The following WWOX variants were observed in gnomAD, a reference collection of about 807,000 sequenced individuals.
WWOX encodes WW domain-containing oxidoreductase.
In WWOX, 69 loss-of-function variants were observed where a neutral mutation model predicts 46.2. That is an observed-to-expected ratio of 1.49 (90% CI 1.23 to 1.82). WWOX has a LOEUF of 1.82. Among genes scored for constraint, WWOX ranks in the 40% most tolerant of loss-of-function variants. The pLI, the probability that WWOX is intolerant of heterozygous loss-of-function variation, is 0.00. For synonymous variants in WWOX, 359 were observed against 202.6 expected (o/e 1.77, Z -6.56); for missense variants, 919 against 542.6 (o/e 1.69, Z -6.89).
chr16:78,487,240 C>G (rs1312174195), intron 8 of WWOX, among the ~76,000 whole-genome samples: 3 of 150,782 alleles, frequency 2.0e-5, no homozygotes, highest in African/African-American at 7.3e-5. Context: ...TTCTCCCCAT[C>G]TTGAACATGT....
chr16:78,667,150 C>G (rs1003928695), intron 8 of WWOX, among the ~76,000 whole-genome samples: 1 of 152,184 alleles, frequency 6.6e-6, no homozygotes, highest in Admixed American at 6.5e-5. Flanking sequence ...CTCCACACCA[C>G]TTTATGTGTT....
chr16:78,240,767 G>A (rs920341912), intron 5 of WWOX, among the ~76,000 whole-genome samples: 15 of 152,146 alleles, frequency 9.9e-5, no homozygotes, highest in African/African-American at 3.4e-4. Context: ...GGGCCAGGCT[G>A]GGCCAGGCAG....
chr16:78,888,455 C>G (rs1271609288), intron 8 of WWOX, among the ~76,000 whole-genome samples: 1 of 152,182 alleles, frequency 6.6e-6, no homozygotes, highest in East Asian at 1.9e-4. Flanking sequence ...TTCTCACATC[C>G]TGAGGTCCAC....
intron 8 of WWOX, among the ~76,000 whole-genome samples, chr16:78,546,604 G>A (rs141048593): frequency 6.6e-6 from 1 of 152,124 alleles, no homozygotes; most frequent in Non-Finnish European, 1.5e-5. Context: ...ACTCAGCTAG[G>A]AACTTATTTT....
chr16:78,556,467 C>T (rs927978762), intron 8 of WWOX, among the ~76,000 whole-genome samples: 1 of 152,090 alleles, frequency 6.6e-6, no homozygotes, highest in Non-Finnish European at 1.5e-5. Flanking sequence ...ACCCTGTTCC[C>T]ATATCTGAGA....
chr16:78,766,587 C>G (rs1484814429), intron 8 of WWOX, among the ~76,000 whole-genome samples: 2 of 152,166 alleles, frequency 1.3e-5, no homozygotes, highest in African/African-American at 2.4e-5. Context: ...GAGCTTGTCT[C>G]CTTGTCTCTA....
chr16:78,385,926 G>C (rs941140329), intron 5 of WWOX, among the ~76,000 whole-genome samples: 1 of 152,172 alleles, frequency 6.6e-6, no homozygotes, highest in African/African-American at 2.4e-5. Context: ...TAAAAGTTGG[G>C]AGTGGCCCAT....
At chr16:78,981,838 A>G (rs2046688795) in intron 8 of WWOX, 1 of 152,178 alleles carries the variant, frequency 6.6e-6, no homozygotes, top group African/African-American at 2.4e-5. Context: ...TACACTGAAG[A>G]TGGTCTAATT....
intron 6 of WWOX, among the ~76,000 whole-genome samples, chr16:78,413,886 C>G (rs2082737084): frequency 6.6e-6 from 1 of 151,604 alleles, no homozygotes; most frequent in Non-Finnish European, 1.5e-5. Flanking sequence ...CTTTGGGAGG[C>G]TGAGGTTGTC....
chr16:78,549,096 G>T (rs1328336360), intron 8 of WWOX, among the ~76,000 whole-genome samples: 1 of 152,124 alleles, frequency 6.6e-6, no homozygotes, highest in African/African-American at 2.4e-5. Context: ...ATAAATCTCA[G>T]CTCTCTAGAG....
intron 8 of WWOX, among the ~76,000 whole-genome samples, chr16:78,825,042 C>G (rs941369932): frequency 2.0e-5 from 3 of 152,124 alleles, no homozygotes; most frequent in Non-Finnish European, 4.4e-5. Context: ...CCCCTAAACC[C>G]TACAAGGCTA....
intron 5 of WWOX, among the ~76,000 whole-genome samples, chr16:78,184,337 G>A (rs1370677892): frequency 1.4e-4 from 21 of 152,008 alleles, no homozygotes; most frequent in Admixed American, 1.3e-3. Flanking sequence ...GTAGCGATTC[G>A]CTTGGTGTTT....
chr16:78,564,147 C>T (rs766606198), intron 8 of WWOX, among the ~76,000 whole-genome samples: 2 of 152,320 alleles, frequency 1.3e-5, no homozygotes, highest in East Asian at 1.9e-4. Context: ...CTGAGCCCAG[C>T]CCAAATTGCT....
intron 5 of WWOX, among the ~76,000 whole-genome samples, chr16:78,210,562 TA>T (rs2036529804): frequency 6.6e-6 from 1 of 152,124 alleles, no homozygotes; most frequent in African/African-American, 2.4e-5. Context: ...CATAAGGAAC[TA>T]AATCCTGCGT....
chr16:78,661,630 G>C (rs1044698778), intron 8 of WWOX, among the ~76,000 whole-genome samples: 5 of 148,234 alleles, frequency 3.4e-5, no homozygotes, highest in African/African-American at 1.2e-4. Context: ...TCTTGGAAGA[G>C]ATGTGTTGCT....
At chr16:78,732,392 C>A (rs900247281) in intron 8 of WWOX, among the ~76,000 whole-genome samples, 1 of 152,100 alleles carries the variant, frequency 6.6e-6, no homozygotes, top group African/African-American at 2.4e-5. Context: ...GGAATTGAGG[C>A]CGCCAGTCAT....
chr16:78,612,605 A>G (rs1466865779), intron 8 of WWOX, among the ~76,000 whole-genome samples: 1 of 152,170 alleles, frequency 6.6e-6, no homozygotes, highest in Non-Finnish European at 1.5e-5. Flanking sequence ...CCTGCCAAGT[A>G]GGACTACAGT....
chr16:78,592,416 G>C (rs2045373068), intron 8 of WWOX, among the ~76,000 whole-genome samples: 2 of 152,140 alleles, frequency 1.3e-5, no homozygotes, highest in African/African-American at 2.4e-5. Flanking sequence ...ACAACCATAA[G>C]AACATACACA....
At chr16:78,602,935 G>A (rs2045657034) in intron 8 of WWOX, among the ~76,000 whole-genome samples, 1 of 152,146 alleles carries the variant, frequency 6.6e-6, no homozygotes, top group Non-Finnish European at 1.5e-5. Context: ...TGTCATTGCT[G>A]ATTAGCTTTC....
Sources: gnomAD v4.1 joint callset for allele counts (sites outside exome capture counted in the v4.1 genomes callset) on GRCh38, gnomAD v4.1.1 for gene constraint, MANE v1.5 for transcripts, NCBI Gene and HGNC (gene_info 2026-07-23, HGNC 2026-07-21) for gene names.